The following FSTL5 variants were observed in gnomAD, a reference collection of about 807,000 sequenced individuals.
The protein encoded by FSTL5 is follistatin like 5, also known as follistatin-related protein 5.
Under a neutral mutation model 89.1 loss-of-function variants are expected in FSTL5, and 62 were observed. The ratio of observed to expected loss-of-function variants is 0.70; its 90% CI spans 0.57 to 0.86. The LOEUF (loss-of-function observed/expected upper bound fraction) is 0.86. Ranked by LOEUF, FSTL5 falls within the 40% of genes least tolerant of loss-of-function variation. The pLI, the probability that FSTL5 is intolerant of heterozygous loss-of-function variation, is 0.00. For missense variants in FSTL5, 1,057 were observed against 1,001.6 expected, an observed-to-expected ratio of 1.06 and a Z score of -0.75; for synonymous variants, 383 against 346.2, an observed-to-expected ratio of 1.11 and a Z score of -1.18.
In FSTL5 at chr4:162,010,515, A is replaced by G. The variant is rs115846982; in HGVS notation, c.160+23110T>C. ...TACAGTGACTTTCACAGGATTGCAC[A>G]ACCATCACCACAATCTGATTTTAGA... On this transcript the variant is annotated intron_variant, in intron 3 of 15. Transcript: ENST00000306100. Among the ~76,000 whole-genome samples, 857 of 152,308 alleles carry G rather than the reference A, an allele frequency of 5.6e-3. 6 individuals are homozygous for G. The highest frequency in any genetic ancestry group is 0.019 in the African/African-American group (804 of 41,574).
intron 2 of FSTL5, among the ~76,000 whole-genome samples, chr4:162,103,843 A>C (rs1731099704): frequency 6.6e-6 from 1 of 152,184 alleles, no homozygotes; most frequent in African/African-American, 2.4e-5. Flanking sequence ...CTAAAATGCT[A>C]ATTAGGCAAA....
chr4:161,686,068 G>A lies in FSTL5; in HGVS notation c.728-29574C>T, dbSNP rs189791413. 3.2e-4 allele frequency among the ~76,000 whole-genome samples: 49 copies of A among 151,452 alleles called. No homozygotes were observed. In the East Asian group the frequency reaches 4.3e-3, roughly 13 times the overall value. ...TGTTTTATCACATTTATTGACTTGC[G>A]TATGTGAAACCATCCCTGTATCCCT... On this transcript the variant is annotated intron_variant, in intron 6 of 15. Transcript: ENST00000306100.
intron 15 of FSTL5, among the ~76,000 whole-genome samples, chr4:161,404,623 G>A (rs1312625914): frequency 1.3e-5 from 2 of 151,192 alleles, no homozygotes; most frequent in African/African-American, 4.9e-5. Context: ...CCACAAGCTG[G>A]TCAAAAGCTA....
At chr4:162,124,565 TAA>T (rs1032550905) in intron 1 of FSTL5, among the ~76,000 whole-genome samples, 2 of 152,196 alleles carry the variant, frequency 1.3e-5, no homozygotes, top group African/African-American at 4.8e-5. Context: ...ATGAGATAGA[TAA>T]AAGTCTCTTT....
intron 13 of FSTL5, among the ~76,000 whole-genome samples, chr4:161,472,449 A>T (rs548296601): frequency 1.9e-4 from 28 of 149,916 alleles, no homozygotes; most frequent in African/African-American, 6.9e-4. Context: ...TTGATTTGAG[A>T]TATTTCTTGA....
intron 3 of FSTL5, among the ~76,000 whole-genome samples, chr4:161,994,950 A>T (rs79820996): frequency 0.055 from 8,362 of 152,202 alleles, 266 homozygotes; most frequent in Non-Finnish European, 0.077. Context: ...GTCATTTGAA[A>T]TACTTGTCCA....
At chr4:162,065,543 A>C (rs1273493735) in intron 2 of FSTL5, among the ~76,000 whole-genome samples, 1 of 152,058 alleles carries the variant, frequency 6.6e-6, no homozygotes, top group Non-Finnish European at 1.5e-5. Context: ...ATTATCAAAA[A>C]GACAAGAGGT....
intron 4 of FSTL5, among the ~76,000 whole-genome samples, chr4:161,913,633 G>T (rs900404175): frequency 2.0e-5 from 3 of 152,160 alleles, no homozygotes; most frequent in African/African-American, 7.2e-5. Context: ...GCAGCCAGGA[G>T]GGAGTCTGTA....
chr4:161,914,599 T>C (rs549284597), intron 4 of FSTL5, among the ~76,000 whole-genome samples: 2 of 152,176 alleles, frequency 1.3e-5, no homozygotes, highest in African/African-American at 4.8e-5. Flanking sequence ...ATAACAAATA[T>C]ATTTCCAAAC....
chr4:161,957,425 C>A (rs1002725583), intron 3 of FSTL5, among the ~76,000 whole-genome samples: 1 of 151,928 alleles, frequency 6.6e-6, no homozygotes, highest in Non-Finnish European at 1.5e-5. Flanking sequence ...TCATTCTTTT[C>A]TTTGCTTCTC....
At chr4:161,948,636 T>C (rs890309788) in intron 3 of FSTL5, among the ~76,000 whole-genome samples, 2 of 151,748 alleles carry the variant, frequency 1.3e-5, no homozygotes, top group African/African-American at 4.8e-5. Flanking sequence ...TTAGTAGAGA[T>C]GGGGTTTCAC....
intron 7 of FSTL5, among the ~76,000 whole-genome samples, chr4:161,617,097 A>G (rs1372240693): frequency 6.6e-6 from 1 of 151,946 alleles, no homozygotes; most frequent in Non-Finnish European, 1.5e-5. Flanking sequence ...CTTAAAGGAA[A>G]TATAGTCATA....
At chr4:161,784,895 A>AAAAAAAAAAAACAAAAAAAAC in intron 4 of FSTL5, among the ~76,000 whole-genome samples, 1 of 142,016 alleles carries the variant, frequency 7.0e-6, no homozygotes, top group African/African-American at 2.6e-5. Flanking sequence ...TCCGTCTCAA[A>AAAAAAAAAAAACAAAAAAAAC]AAAAACAAAA....
chr4:161,655,332 G>C (rs1736478577), intron 7 of FSTL5, among the ~76,000 whole-genome samples: 2 of 151,828 alleles, frequency 1.3e-5, no homozygotes, highest in African/African-American at 4.8e-5. Flanking sequence ...AAACTATCCA[G>C]CTCTTACTCA....
At chr4:161,848,051 A>AC (rs1731429266) in intron 4 of FSTL5, among the ~76,000 whole-genome samples, 1 of 149,940 alleles carries the variant, frequency 6.7e-6, no homozygotes, top group Non-Finnish European at 1.5e-5. Context: ...AAAAAAAAAA[A>AC]AAAAAAAAAA....
At chr4:161,756,702 A>G (rs1740583629) in intron 6 of FSTL5, among the ~76,000 whole-genome samples, 1 of 152,102 alleles carries the variant, frequency 6.6e-6, no homozygotes, top group Admixed American at 6.6e-5. Flanking sequence ...ATTTTAGGCA[A>G]AATTATTTTT....
At chr4:161,426,772 G>A (rs966360875) in intron 15 of FSTL5, among the ~76,000 whole-genome samples, 7 of 152,092 alleles carry the variant, frequency 4.6e-5, no homozygotes, top group Non-Finnish European at 1.0e-4. Context: ...CTTGCTATGA[G>A]TGACTTTAAA....
Position 161,821,205 on chromosome 4 carries a change from T to G in FSTL5, c.410-45131A>C, listed in dbSNP as rs572530457. ...GGCACAGCACACCATGTCTGGCTAA[T>G]TTTTGTATTTTTTGTAGACAAGGGG... On this transcript the variant is annotated intron_variant, in intron 4 of 15. Transcript: ENST00000306100. 4.6e-5 allele frequency among the ~76,000 whole-genome samples: 7 copies of G among 152,014 alleles called. No homozygotes were observed. The South Asian group carries it at 1.2e-3, about 27-fold the overall frequency.
At chr4:161,526,710 T>A (rs1053188927) in intron 10 of FSTL5, among the ~76,000 whole-genome samples, 3 of 152,216 alleles carry the variant, frequency 2.0e-5, no homozygotes, top group Admixed American at 2.0e-4. Flanking sequence ...GGGAATCCTT[T>A]CCACATTGCT....
Sources: gnomAD v4.1 joint callset for allele counts (sites outside exome capture counted in the v4.1 genomes callset) on GRCh38, gnomAD v4.1.1 for gene constraint, MANE v1.5 for transcripts, NCBI Gene and HGNC (gene_info 2026-07-23, HGNC 2026-07-21) for gene names.